The following RALYL variants were observed in gnomAD, a reference collection of about 807,000 sequenced individuals.
The protein encoded by RALYL is RNA-binding Raly-like protein.
Under a neutral mutation model 35.1 loss-of-function variants are expected in RALYL, and 29 were observed. That is an observed-to-expected ratio of 0.83 (90% CI 0.61 to 1.13). The LOEUF (loss-of-function observed/expected upper bound fraction) is 1.13. Among genes scored for constraint, RALYL ranks in the 50% most tolerant of loss-of-function variants. The pLI is 0.00. For missense variants in RALYL, 359 were observed against 360.4 expected (o/e 1.00, Z 0.03); for synonymous variants, 120 against 127.6 (o/e 0.94, Z 0.40).
rs1554573021 is a variant in RALYL at position 84,209,140 on chromosome 8, A to AAAG, written c.-24+24718_-24+24719insGAA. Reference sequence around the variant, plus strand: ...ACTCCTCCACCAAAAAAAAAAAAAAAAAAAGAAAAGAAAAGAAAAACTATG... The same window carrying AAAG: ...ACTCCTCCACCAAAAAAAAAAAAAAAAAGAAAAGAAAAGAAAAGAAAAACTATG... On this transcript the variant is annotated intron_variant, in intron 1 of 8. Transcript: ENST00000521268. Among the ~76,000 whole-genome samples, 107 of 150,988 alleles carry AAAG rather than the reference A, an allele frequency of 7.1e-4. 1 individual carries two copies. Among genetic ancestry groups the AAAG allele is most frequent in the African/African-American group, 2.5e-3 (102 of 41,244 alleles).
chr8:84,742,516 A>G (rs1331243448), intron 2 of RALYL, among the ~76,000 whole-genome samples: 2 of 152,018 alleles, frequency 1.3e-5, no homozygotes, highest in Non-Finnish European at 2.9e-5. Context: ...AGATGAATAT[A>G]TCCACATAAT....
At chr8:84,314,648 C>T (rs1450804710) in intron 1 of RALYL, among the ~76,000 whole-genome samples, 2 of 152,042 alleles carry the variant, frequency 1.3e-5, no homozygotes, top group African/African-American at 2.4e-5. Flanking sequence ...ATCACCTGAG[C>T]CCTAGAGTTT....
chr8:84,594,577 G>A (rs768964931), intron 2 of RALYL, among the ~76,000 whole-genome samples: 4 of 151,842 alleles, frequency 2.6e-5, no homozygotes, highest in Admixed American at 2.0e-4. Flanking sequence ...CTTAAAAAAT[G>A]CACCAATTAT....
At chr8:84,583,223 A>G (rs1407277662) in intron 2 of RALYL, among the ~76,000 whole-genome samples, 1 of 152,180 alleles carries the variant, frequency 6.6e-6, no homozygotes, top group Non-Finnish European at 1.5e-5. Context: ...GATCAGTATC[A>G]TGGATGATTA....
chr8:84,308,060 G>T (rs1268263257), intron 1 of RALYL, among the ~76,000 whole-genome samples: 1 of 149,046 alleles, frequency 6.7e-6, no homozygotes, highest in African/African-American at 2.5e-5. Flanking sequence ...CCATAACTCT[G>T]ATTCTTTCTA....
intron 2 of RALYL, among the ~76,000 whole-genome samples, chr8:84,654,501 C>A (rs1157567115): frequency 1.3e-5 from 2 of 151,532 alleles, no homozygotes; most frequent in Admixed American, 6.6e-5. Flanking sequence ...CTGTAGTCAT[C>A]CTGTTGTGTT....
At chr8:84,796,123 A>T (rs1821855829) in intron 3 of RALYL, among the ~76,000 whole-genome samples, 1 of 152,224 alleles carries the variant, frequency 6.6e-6, no homozygotes, top group Non-Finnish European at 1.5e-5. Flanking sequence ...CTGACAGGGC[A>T]TGCTCAGACT....
chr8:84,658,022 G>C (rs1830265038), intron 2 of RALYL, among the ~76,000 whole-genome samples: 2 of 152,106 alleles, frequency 1.3e-5, no homozygotes, highest in South Asian at 4.1e-4. Flanking sequence ...AGCAATAACA[G>C]GATGGGAGGT....
intron 2 of RALYL, among the ~76,000 whole-genome samples, chr8:84,728,300 C>T (rs189417915): frequency 1.3e-3 from 195 of 152,174 alleles, no homozygotes; most frequent in African/African-American, 4.1e-3. Flanking sequence ...TCATGTCCTT[C>T]GCCTACTTTT....
At chr8:84,724,523 T>C (rs922422360) in intron 2 of RALYL, among the ~76,000 whole-genome samples, 1 of 151,804 alleles carries the variant, frequency 6.6e-6, no homozygotes, top group African/African-American at 2.4e-5. Flanking sequence ...GTACCATCTT[T>C]GACATTCATT....
intron 1 of RALYL, among the ~76,000 whole-genome samples, chr8:84,521,608 G>A (rs1462922158): frequency 6.6e-6 from 1 of 152,122 alleles, no homozygotes; most frequent in Admixed American, 6.5e-5. Flanking sequence ...TTCCCCAAGA[G>A]ATAGTTTACC....
intron 1 of RALYL, among the ~76,000 whole-genome samples, chr8:84,515,499 T>C (rs2057989783): frequency 1.3e-5 from 2 of 152,290 alleles, no homozygotes; most frequent in Admixed American, 6.5e-5. Context: ...AATAACACCA[T>C]TAACAACAGT....
At position 84,377,470 on chromosome 8, in the gene RALYL, T is replaced by G. The variant is rs868477468; in HGVS notation, c.-23-151829T>G. ...TTAACTGTTTTTTTTTTTTTTTTTTTTTTTTCTTAAACTGATCCCATGAGA... is the reference window on the plus strand; with the variant it reads ...TTAACTGTTTTTTTTTTTTTTTTTTGTTTTTCTTAAACTGATCCCATGAGA... On this transcript the variant is annotated intron_variant, in intron 1 of 8. Coordinates refer to ENST00000521268, the MANE Select transcript of RALYL (RefSeq NM_173848.7). 3.6e-3 allele frequency among the ~76,000 whole-genome samples: 532 copies of G among 148,704 alleles called. 9 individuals carry two copies. The highest frequency in any genetic ancestry group is 0.013 in the African/African-American group (514 of 40,224).
chr8:84,677,021 C>T (rs758649560), intron 2 of RALYL, among the ~76,000 whole-genome samples: 24 of 152,058 alleles, frequency 1.6e-4, no homozygotes, highest in Non-Finnish European at 2.9e-4. Flanking sequence ...AGGCTGGTCT[C>T]GAACTCCCAA....
chr8:84,237,753 T>C (rs1826908692), intron 1 of RALYL, among the ~76,000 whole-genome samples: 2 of 152,034 alleles, frequency 1.3e-5, no homozygotes, highest in South Asian at 4.1e-4. Flanking sequence ...GATTCCCAAA[T>C]ACAACCCACA....
At chr8:84,782,817 G>A (rs1319195960) in intron 3 of RALYL, among the ~76,000 whole-genome samples, 1 of 152,180 alleles carries the variant, frequency 6.6e-6, no homozygotes, top group Non-Finnish European at 1.5e-5. Context: ...ATCTTGCAAA[G>A]GGCAATGCCC....
At chr8:84,440,566 T>A (rs1160817158) in intron 1 of RALYL, among the ~76,000 whole-genome samples, 1 of 152,096 alleles carries the variant, frequency 6.6e-6, no homozygotes, top group Non-Finnish European at 1.5e-5. Context: ...TTTCTGTACC[T>A]GTAATTTTAC....
intron 1 of RALYL, among the ~76,000 whole-genome samples, chr8:84,222,043 T>G (rs1312255221): frequency 6.6e-6 from 1 of 152,090 alleles, no homozygotes; most frequent in African/African-American, 2.4e-5. Context: ...CCTATGATAT[T>G]GGGCAAGTAA....
At position 84,569,068 on chromosome 8, in the gene RALYL, A is replaced by C. The variant is rs1329493100; in HGVS notation, c.256+39491A>C. Reference sequence around the variant, plus strand: ...TTAGTTTAATTAGATCCCATTTGTCAGTTTTGTCTTTTGTTGCCATTGCTT... The same window carrying C: ...TTAGTTTAATTAGATCCCATTTGTCCGTTTTGTCTTTTGTTGCCATTGCTT... On this transcript the variant is annotated intron_variant, in intron 2 of 8. Transcript: ENST00000521268. 1.3e-4 allele frequency among the ~76,000 whole-genome samples: 20 copies of C among 150,110 alleles called. No homozygotes were observed. The East Asian group carries it at 2.0e-3, about 15-fold the overall frequency.
Sources: allele counts gnomAD v4.1 joint callset (sites outside exome capture counted in the v4.1 genomes callset), GRCh38; gene constraint gnomAD v4.1.1; transcripts MANE v1.5; gene names NCBI Gene and HGNC (gene_info 2026-07-23, HGNC 2026-07-21).